The following CFDP1 variants were observed in gnomAD, a reference collection of about 807,000 sequenced individuals.
CFDP1 encodes heterochromatin-stabilizing protein CFDP1.
A neutral mutation model predicts 40.1 loss-of-function variants in CFDP1; 31 were observed. The ratio of observed to expected loss-of-function variants is 0.77; its 90% CI spans 0.58 to 1.04. The LOEUF (loss-of-function observed/expected upper bound fraction) is 1.04. Ranked by LOEUF, CFDP1 falls within the 50% of genes least tolerant of loss-of-function variation. The pLI is 0.00. For missense variants in CFDP1, 423 were observed against 343.4 expected, an observed-to-expected ratio of 1.23 and a Z score of -1.83; for synonymous variants, 167 against 120.0, an observed-to-expected ratio of 1.39 and a Z score of -2.56.
chr16:75,331,561 C>A (rs919267587), intron 5 of CFDP1, among the ~76,000 whole-genome samples: 1 of 152,214 alleles, frequency 6.6e-6, no homozygotes, highest in Non-Finnish European at 1.5e-5. Context: ...CACCCTCCAG[C>A]AACGACTATT....
At chr16:75,303,841 C>G (rs1285037033) in intron 6 of CFDP1, among the ~76,000 whole-genome samples, 1 of 152,100 alleles carries the variant, frequency 6.6e-6, no homozygotes, top group East Asian at 1.9e-4. Context: ...GGAGCTGAGC[C>G]TCAGAGGTGT....
intron 5 of CFDP1, among the ~76,000 whole-genome samples, chr16:75,319,085 C>A (rs115251958): frequency 0.015 from 2,351 of 152,226 alleles, 54 homozygotes; most frequent in African/African-American, 0.053. Flanking sequence ...GTTTCTGTTG[C>A]CAGACTGGAG....
intron 2 of CFDP1, 30 bp downstream of exon 2, chr16:75,414,547 TA>T: frequency 7.4e-7 from 1 of 1,359,792 alleles, no homozygotes; most frequent in Non-Finnish European, 1.1e-6. Flanking sequence ...CAATAGCCCC[TA>T]ACTTCTAAGG....
intron 5 of CFDP1, among the ~76,000 whole-genome samples, chr16:75,318,395 GCTTT>G (rs1228740433): frequency 2.1e-4 from 31 of 145,276 alleles, no homozygotes; most frequent in African/African-American, 6.2e-4. Flanking sequence ...GAGTTGGCAT[GCTTT>G]CTTTCTTTCT....
At chr16:75,413,277 T>C (rs2079177896) in intron 2 of CFDP1, among the ~76,000 whole-genome samples, 2 of 151,976 alleles carry the variant, frequency 1.3e-5, no homozygotes, top group South Asian at 4.1e-4. Context: ...CATAGAAAAA[T>C]TCAAGGACAG....
At chr16:75,370,036 G>C (rs1157899786) in intron 5 of CFDP1, among the ~76,000 whole-genome samples, 2 of 151,736 alleles carry the variant, frequency 1.3e-5, no homozygotes, top group Non-Finnish European at 2.9e-5. Flanking sequence ...GGCTCTCAAA[G>C]TGTTGGGATT....
chr16:75,374,035 C>T (rs2078773226), intron 5 of CFDP1, among the ~76,000 whole-genome samples: 1 of 151,174 alleles, frequency 6.6e-6, no homozygotes. Context: ...GGTGGATCAC[C>T]TGAGGTAAGG....
At chr16:75,384,959 CATATATATGTATACA>C (rs995322687) in intron 5 of CFDP1, among the ~76,000 whole-genome samples, 1 of 138,686 alleles carries the variant, frequency 7.2e-6, no homozygotes, top group East Asian at 2.1e-4. Context: ...GAATGCAATA[CATATATATGTATACA>C]ATATATATGT....
intron 5 of CFDP1, among the ~76,000 whole-genome samples, chr16:75,348,827 C>T (rs1157971641): frequency 1.3e-5 from 2 of 151,990 alleles, no homozygotes; most frequent in African/African-American, 4.8e-5. Context: ...AAAGTTATTC[C>T]TATTCTTTTT....
At chr16:75,360,544 C>T (rs892196264) in intron 5 of CFDP1, among the ~76,000 whole-genome samples, 3 of 152,164 alleles carry the variant, frequency 2.0e-5, no homozygotes, top group African/African-American at 2.4e-5. Flanking sequence ...CTTCTTATAT[C>T]GCATTAACCC....
chr16:75,430,259 C>G (rs546750599), intron 1 of CFDP1, among the ~76,000 whole-genome samples: 1 of 151,996 alleles, frequency 6.6e-6, no homozygotes, highest in Non-Finnish European at 1.5e-5. Flanking sequence ...CAACCCCACG[C>G]CCCTGGTTCA....
At chr16:75,401,181 C>A (rs1466834622) in intron 4 of CFDP1, among the ~76,000 whole-genome samples, 4 of 152,112 alleles carry the variant, frequency 2.6e-5, no homozygotes, top group Non-Finnish European at 4.4e-5. Context: ...GTAATCCCAG[C>A]ACTTTGGGAG....
intron 4 of CFDP1, among the ~76,000 whole-genome samples, chr16:75,410,035 A>C (rs924956772): frequency 7.9e-6 from 1 of 126,258 alleles, no homozygotes; most frequent in Admixed American, 9.7e-5. Context: ...CAGCCTAGGC[A>C]ACACAGCAAG....
chr16:75,422,034 A>G (rs2079286154), intron 1 of CFDP1, among the ~76,000 whole-genome samples: 1 of 152,244 alleles, frequency 6.6e-6, no homozygotes, highest in African/African-American at 2.4e-5. Flanking sequence ...ATGACAAGGA[A>G]AAAAGTTTGT....
At chr16:75,426,628 A>T (rs951721522) in intron 1 of CFDP1, among the ~76,000 whole-genome samples, 2 of 152,020 alleles carry the variant, frequency 1.3e-5, no homozygotes. Flanking sequence ...GTGAGGTGAA[A>T]TCGTGCCACT....
At position 75,294,046 on chromosome 16, in the gene CFDP1, G is replaced by C. The variant is rs765191908; in HGVS notation, c.810-4C>G. 1 of 1,609,686 alleles carries C rather than the reference G, an allele frequency of 6.2e-7. No homozygotes were observed. Reference sequence around the variant, plus strand: ...GAAGGCTTTCCGTTCAATGTACCTAGAAGATGAAAACAGTGTTTGTCAGTA... The same window carrying C: ...GAAGGCTTTCCGTTCAATGTACCTACAAGATGAAAACAGTGTTTGTCAGTA... On this transcript the variant is annotated splice_polypyrimidine_tract_variant and splice_region_variant and intron_variant, in intron 6 of 6. Transcript: ENST00000283882.
intron 5 of CFDP1, among the ~76,000 whole-genome samples, chr16:75,306,701 C>A (rs1405593928): frequency 6.6e-6 from 1 of 152,178 alleles, no homozygotes; most frequent in East Asian, 1.9e-4. Context: ...CAGGGTGGTG[C>A]ACTGTGCTAT....
chr16:75,312,308 G>T (rs1850525678), intron 5 of CFDP1, among the ~76,000 whole-genome samples: 1 of 152,146 alleles, frequency 6.6e-6, no homozygotes, highest in Non-Finnish European at 1.5e-5. Flanking sequence ...CAGAAAACCA[G>T]AAGTATGACA....
chr16:75,311,671 A>G (rs2078293377), intron 5 of CFDP1, among the ~76,000 whole-genome samples: 1 of 152,052 alleles, frequency 6.6e-6, no homozygotes, highest in African/African-American at 2.4e-5. Flanking sequence ...CTGCATAATC[A>G]CTAAAATGCA....
Sources: allele counts gnomAD v4.1 joint callset (sites outside exome capture counted in the v4.1 genomes callset), GRCh38; gene constraint gnomAD v4.1.1; transcripts MANE v1.5; gene names NCBI Gene and HGNC (gene_info 2026-07-23, HGNC 2026-07-21).